The following GADL1 variants were observed in gnomAD, a reference collection of about 807,000 sequenced individuals.
GADL1 encodes the protein acidic amino acid decarboxylase GADL1.
In GADL1, 71 loss-of-function variants were observed where a neutral mutation model predicts 69.5. The ratio of observed to expected loss-of-function variants is 1.02; its 90% confidence interval spans 0.84 to 1.25. The LOEUF is 1.25. Among genes scored for constraint, GADL1 ranks in the 50% most tolerant of loss-of-function variants. The pLI, the probability that GADL1 is intolerant of heterozygous loss-of-function variation, is 0.00. For missense variants in GADL1, 737 were observed against 631.8 expected (o/e 1.17, Z -1.79); for synonymous variants, 254 against 214.4 (o/e 1.18, Z -1.62).
intron 14 of GADL1, among the ~76,000 whole-genome samples, chr3:30,741,981 G>C (rs182931323): frequency 2.0e-5 from 3 of 152,144 alleles, no homozygotes; most frequent in Non-Finnish European, 4.4e-5. Context: ...AGGAATTCCA[G>C]GCCACATGGA....
intron 1 of GADL1, among the ~76,000 whole-genome samples, chr3:30,869,185 T>C (rs1483503001): frequency 6.6e-6 from 1 of 151,820 alleles, no homozygotes; most frequent in African/African-American, 2.4e-5. Flanking sequence ...ATATTTTCTC[T>C]TCTGGAGGTT....
At chr3:30,748,935 A>G (rs1450210347) in intron 14 of GADL1, among the ~76,000 whole-genome samples, 1 of 152,244 alleles carries the variant, frequency 6.6e-6, no homozygotes, top group African/African-American at 2.4e-5. Context: ...AATAAATATT[A>G]TATGACTGCC....
intron 12 of GADL1, among the ~76,000 whole-genome samples, chr3:30,787,197 G>GA (rs554960249): frequency 1.3e-5 from 2 of 149,556 alleles, no homozygotes; most frequent in African/African-American, 4.9e-5. Flanking sequence ...AAAAATACAA[G>GA]AAAAAAAATT....
chr3:30,757,373 G>A (rs1575187638), intron 14 of GADL1, among the ~76,000 whole-genome samples: 1 of 152,078 alleles, frequency 6.6e-6, no homozygotes. Context: ...ATAGATCAGA[G>A]GCTAGATCAT....
At chr3:30,806,001 A>T (rs1255848725) in intron 11 of GADL1, among the ~76,000 whole-genome samples, 1 of 151,530 alleles carries the variant, frequency 6.6e-6, no homozygotes, top group Non-Finnish European at 1.5e-5. Flanking sequence ...CTCACCTACC[A>T]CTCACCTCCT....
chr3:30,776,616 C>T (rs1696545968), intron 14 of GADL1, among the ~76,000 whole-genome samples: 1 of 152,166 alleles, frequency 6.6e-6, no homozygotes, highest in African/African-American at 2.4e-5. Context: ...TATTATGTTA[C>T]AGGTTAGGAG....
chr3:30,830,995 T>C (rs1000562778), intron 11 of GADL1, among the ~76,000 whole-genome samples: 1 of 152,010 alleles, frequency 6.6e-6, no homozygotes, highest in Non-Finnish European at 1.5e-5. Context: ...CCCTGTCTAA[T>C]TGATAGCTAA....
In GADL1 at chr3:30,809,733, CTTTCA is replaced by C. The variant is rs1443899546; in HGVS notation, c.1051-8650_1051-8646del. On this transcript the variant is annotated intron_variant, in intron 11 of 14. Transcript: ENST00000282538. ...AGTTTAGAGGTGGGATTGTAGAGAA[CTTTCA>C]TTTAAGTTCATATTTTTATATTACT... Among the ~76,000 whole-genome samples the C allele has an allele frequency of 4.6e-5, 7 of 152,256 alleles. No homozygotes were observed. The East Asian group carries it at 9.6e-4, about 21-fold the overall frequency.
At chr3:30,733,407 T>C (rs1695494203) in intron 14 of GADL1, among the ~76,000 whole-genome samples, 2 of 152,308 alleles carry the variant, frequency 1.3e-5, no homozygotes, top group South Asian at 4.1e-4. Context: ...GGGTTCCCAA[T>C]GTGTCCCACT....
intron 3 of GADL1, among the ~76,000 whole-genome samples, chr3:30,856,645 C>T (rs2125534829): frequency 6.6e-6 from 1 of 152,116 alleles, no homozygotes; most frequent in Non-Finnish European, 1.5e-5. Flanking sequence ...TCTGGGCCAT[C>T]AAGATTTAAA....
intron 14 of GADL1, among the ~76,000 whole-genome samples, chr3:30,762,147 G>A (rs1329334904): frequency 4.6e-5 from 7 of 152,116 alleles, no homozygotes; most frequent in African/African-American, 1.7e-4. Flanking sequence ...TTTACATAGT[G>A]GAATTTGAAG....
chr3:30,805,056 C>T (rs1243914011), intron 11 of GADL1, among the ~76,000 whole-genome samples: 1 of 152,204 alleles, frequency 6.6e-6, no homozygotes, highest in African/African-American at 2.4e-5. Flanking sequence ...TCCCTCTTTG[C>T]AATCACAACA....
chr3:30,828,454 G>C (rs1269709056), intron 11 of GADL1, among the ~76,000 whole-genome samples: 1 of 122,500 alleles, frequency 8.2e-6, no homozygotes, highest in Admixed American at 8.5e-5. Context: ...TCTTTTTTCT[G>C]CTACTCCTTC....
At chr3:30,742,278 A>G (rs1057149385) in intron 14 of GADL1, among the ~76,000 whole-genome samples, 1 of 151,870 alleles carries the variant, frequency 6.6e-6, no homozygotes, top group East Asian at 1.9e-4. Context: ...TGGAACATTA[A>G]GTGGTTTTTT....
chr3:30,751,439 T>C (rs112969784), intron 14 of GADL1, among the ~76,000 whole-genome samples: 2 of 148,682 alleles, frequency 1.3e-5, no homozygotes. Flanking sequence ...CTTTCATTGC[T>C]TCTTTTATTC....
intron 11 of GADL1, among the ~76,000 whole-genome samples, chr3:30,802,274 G>A (rs916521789): frequency 1.3e-5 from 2 of 152,148 alleles, no homozygotes; most frequent in African/African-American, 4.8e-5. Flanking sequence ...AGGTTCTTGG[G>A]AGCAGGAATC....
chr3:30,863,377 C>A (rs931591817), intron 1 of GADL1, among the ~76,000 whole-genome samples: 1 of 151,898 alleles, frequency 6.6e-6, no homozygotes, highest in East Asian at 1.9e-4. Flanking sequence ...AAGGATGAGA[C>A]GGAACATGTT....
chr3:30,765,907 C>T (rs1174518122), intron 14 of GADL1, among the ~76,000 whole-genome samples: 2 of 151,940 alleles, frequency 1.3e-5, no homozygotes, highest in Non-Finnish European at 2.9e-5. Context: ...TTTCCCAACT[C>T]CCCTCCCAAA....
At chr3:30,831,918 G>A (rs1160689279) in intron 11 of GADL1, among the ~76,000 whole-genome samples, 1 of 151,856 alleles carries the variant, frequency 6.6e-6, no homozygotes, top group African/African-American at 2.4e-5. Flanking sequence ...TTAAATATCT[G>A]CATTTTGTTC....
Sources: allele counts gnomAD v4.1 joint callset (sites outside exome capture counted in the v4.1 genomes callset), GRCh38; gene constraint gnomAD v4.1.1; transcripts MANE v1.5; gene names NCBI Gene and HGNC (gene_info 2026-07-23, HGNC 2026-07-21).